The following ALG11 variants were observed in gnomAD, a reference collection of about 807,000 sequenced individuals.
ALG11 encodes the protein GDP-Man:Man(3)GlcNAc(2)-PP-Dol alpha-1,2-mannosyltransferase.
A neutral mutation model predicts 38.8 loss-of-function variants in ALG11; 26 were observed. That is an observed-to-expected ratio of 0.67 (90% CI 0.49 to 0.93). ALG11 has a LOEUF of 0.93. ALG11 is among the 40% of genes least tolerant of loss of function. The probability of loss-of-function intolerance (pLI) is 0.00; values close to 1 mark genes in which losing one functional copy is unlikely to be tolerated. For synonymous variants in ALG11, 199 were observed against 211.6 expected, an observed-to-expected ratio of 0.94 and a Z score of 0.52; for missense variants, 535 against 578.8, an observed-to-expected ratio of 0.92 and a Z score of 0.78.
rs148265741 is a variant in ALG11, at chr13:52,013,306, A to G, written c.44+844A>G. On this transcript the variant is annotated intron_variant, in intron 1 of 3. Coordinates refer to ENST00000521508, the MANE Select transcript of ALG11 (RefSeq NM_001004127.3). ...ACACCATAGCTTCCTGAATAGCAGT[A>G]TATACCTAATTCTTTCAAAAGTTCA... Among the ~76,000 whole-genome samples the G allele has an allele frequency of 5.7e-3, 866 of 152,366 alleles. 4 individuals are homozygous for G. The highest frequency in any genetic ancestry group is 0.02 in the African/African-American group (836 of 41,586).
intron 2 of ALG11, chr13:52,023,376 A>T (rs1436797553): frequency 6.6e-6 from 1 of 152,176 alleles, no homozygotes; most frequent in East Asian, 1.9e-4. Flanking sequence ...TTCTAATTCA[A>T]TAAAAAATGT....
intron 3 of ALG11, among the ~76,000 whole-genome samples, chr13:52,025,270 G>A (rs41292792): frequency 0.1 from 15,698 of 152,176 alleles, 814 homozygotes; most frequent in Middle Eastern, 0.13. Flanking sequence ...GAAATTGCTC[G>A]AGTTCAGTTA....
At chr13:52,021,519 G>A (rs1349492957) in intron 2 of ALG11, 2 of 152,408 alleles carry the variant, frequency 1.3e-5, no homozygotes, top group Non-Finnish European at 2.9e-5. Flanking sequence ...GGAGGGCAAA[G>A]GAGAGCATGG....
At chr13:52,018,860 AT>A in intron 1 of ALG11, 52 bp from the exon 2 acceptor site, 2 of 1,468,606 alleles carry the variant, frequency 1.4e-6, no homozygotes, top group Non-Finnish European at 1.9e-6. Flanking sequence ...TTAATTTGTA[AT>A]TTTTTTAATG....
intron 3 of ALG11, among the ~76,000 whole-genome samples, 193 bp downstream of exon 3, chr13:52,025,130 T>A (rs912290281): frequency 6.6e-6 from 1 of 152,220 alleles, no homozygotes; most frequent in Non-Finnish European, 1.5e-5. Context: ...ATTGACCAAT[T>A]CCTGTGTGTG....
chr13:52,028,855 A>G lies in ALG11; in HGVS notation c.*265A>G. Reference sequence around the variant, plus strand: ...ATCTGGCTTTGAGCCACCAGGAAGAACTAGTGGATTTGCCAAAAAACTACC... The same window carrying G: ...ATCTGGCTTTGAGCCACCAGGAAGAGCTAGTGGATTTGCCAAAAAACTACC... On this transcript the variant is annotated 3_prime_UTR_variant, in exon 4 of 4. Coordinates refer to ENST00000521508, the MANE Select transcript of ALG11 (RefSeq NM_001004127.3). 6.2e-7 allele frequency: 1 copy of G among 1,614,260 alleles called. No homozygotes were observed.
At chr13:52,026,618 G>A (rs1954242865) in intron 3 of ALG11, among the ~76,000 whole-genome samples, 1 of 152,188 alleles carries the variant, frequency 6.6e-6, no homozygotes, top group African/African-American at 2.4e-5. Flanking sequence ...TTAAATGAGG[G>A]AGGAAGAGAA....
chr13:52,020,839 T>A (rs1235862169), intron 2 of ALG11: 1 of 152,250 alleles, frequency 6.6e-6, no homozygotes, highest in Non-Finnish European at 1.5e-5. Flanking sequence ...GTCCTTCCCT[T>A]TCTATATAGT....
chr13:52,019,960 A>G (rs1354658876), intron 2 of ALG11, among the ~76,000 whole-genome samples: 1 of 152,200 alleles, frequency 6.6e-6, no homozygotes, highest in African/African-American at 2.4e-5. Context: ...AGAAATGGAC[A>G]GTGGATGGGG....
intron 1 of ALG11, among the ~76,000 whole-genome samples, chr13:52,012,793 C>T (rs1214573214): frequency 2.0e-5 from 3 of 151,828 alleles, no homozygotes; most frequent in African/African-American, 4.8e-5. Flanking sequence ...TTTTTCTTTA[C>T]GATTGAGCCA....
chr13:52,033,454 A>AT lies in ALG11; in HGVS notation c.*4869dup, dbSNP rs1421324665. Reference sequence around the variant, plus strand: ...TGTCTAAATATTATTTAAAGAAGTGATTTTTCATTCTCTTGGATTCTTTCC... The same window carrying AT: ...TGTCTAAATATTATTTAAAGAAGTGATTTTTTCATTCTCTTGGATTCTTTCC... On this transcript the variant is annotated 3_prime_UTR_variant, in exon 4 of 4. Coordinates refer to ENST00000521508, the MANE Select transcript of ALG11 (RefSeq NM_001004127.3). 6.0e-6 allele frequency: 1 copy of AT among 167,062 alleles called. No individual in the cohort carries two copies. The highest frequency in any genetic ancestry group is 1.5e-5 in the Non-Finnish European group (1 of 68,110). 10.3% of individuals were successfully genotyped at this position (167,062 alleles called of 1,614,324 possible).
At chr13:52,018,823 T>C (rs896875011) in intron 1 of ALG11, 90 bp from the exon 2 acceptor site, 5 of 1,045,502 alleles carry the variant, frequency 4.8e-6, no homozygotes, top group African/African-American at 3.2e-5. Flanking sequence ...GTTACTAATA[T>C]ATAAAGTAGA....
Position 52,024,405 on chromosome 13 carries a change from G to C in ALG11, c.675G>C (p.Arg225Ser). Reference sequence around the variant, plus strand: ...TTAATAATGCAGCCTTCATTACCAGGAATCCTTTTCTCAGCAAAGTAAAGC... The same window carrying C: ...TTAATAATGCAGCCTTCATTACCAGCAATCCTTTTCTCAGCAAAGTAAAGC... Reference protein sequence around the residue: ...IGFNNAAFITRNPFLSKVKLI... With the variant: ...IGFNNAAFITSNPFLSKVKLI... Residue 225 changes from arginine (R) to serine (S), a missense_variant, in exon 3 of 4, where the codon AGG becomes AGC. Transcript: ENST00000521508. 1 of 1,613,484 alleles carries C rather than the reference G, an allele frequency of 6.2e-7. No individual in the cohort carries two copies. The highest frequency in any genetic ancestry group is 8.5e-7 in the Non-Finnish European group (1 of 1,179,566).
In ALG11 at chr13:52,030,441, C is replaced by T. The variant is rs1366423199; in HGVS notation, c.*1851C>T. On this transcript the variant is annotated 3_prime_UTR_variant, in exon 4 of 4. Coordinates refer to ENST00000521508, the MANE Select transcript of ALG11 (RefSeq NM_001004127.3). ...AGGACCCCAAATAATCGGCCTGATG[C>T]CCCTAAGGAGAAGAAAGAGAAGGAG... 1.2e-6 allele frequency: 2 copies of T among 1,614,158 alleles called. No individual in the cohort carries two copies. The highest frequency in any genetic ancestry group is 2.7e-5 in the African/African-American group (2 of 75,026).
Position 52,029,380 on chromosome 13 carries a change from T to C in ALG11, c.*790T>C. 1 of 1,613,962 alleles carries C rather than the reference T, an allele frequency of 6.2e-7. No individual in the cohort carries two copies. Among genetic ancestry groups the C allele is most frequent in the Non-Finnish European group, 8.5e-7 (1 of 1,180,004 alleles). ...AGCAGGAAATTTTTAACCTCCTCCA[T>C]AAGAACAAGCAGCCAGTGACAGATC... is the stretch of plus-strand genomic sequence containing the variant. On this transcript the variant is annotated 3_prime_UTR_variant, in exon 4 of 4. Transcript: ENST00000521508.
intron 1 of ALG11, 100 bp from the exon 2 acceptor site, chr13:52,018,809 CTTTG>C: frequency 1.1e-6 from 1 of 946,592 alleles, no homozygotes; most frequent in South Asian, 1.5e-5. Context: ...ACAATTCTCT[CTTTG>C]TTACTAATAT....
In ALG11 at chr13:52,029,804, C is replaced by A. The variant is rs1349288845; in HGVS notation, c.*1214C>A. 1.2e-6 allele frequency: 2 copies of A among 1,614,176 alleles called. No individual in the cohort carries two copies. The highest frequency in any genetic ancestry group is 1.7e-5 in the Admixed American group (1 of 60,032). ...GTTGGCCAAGAACAAAGAACTGACA[C>A]AGAAACTCCAGGTAGCCTCTGAGAG... On this transcript the variant is annotated 3_prime_UTR_variant, in exon 4 of 4. Coordinates refer to ENST00000521508, the MANE Select transcript of ALG11 (RefSeq NM_001004127.3).
chr13:52,012,516 T>C, intron 1 of ALG11, 54 bp downstream of exon 1: 1 of 1,613,258 alleles, frequency 6.2e-7, no homozygotes, highest in South Asian at 1.1e-5. Flanking sequence ...TAGGGGTACT[T>C]GCCCGTCCAG....
At position 52,019,127 on chromosome 13, in the gene ALG11, A is replaced by C; in HGVS notation, c.259A>C (p.Arg87=). 1 of 1,613,852 alleles carries C rather than the reference A, an allele frequency of 6.2e-7. No homozygotes were observed. Among genetic ancestry groups the C allele is most frequent in the Non-Finnish European group, 8.5e-7 (1 of 1,179,802 alleles). The change falls in exon 2 of 4, where the codon AGA becomes CGA. Residue 87 remains arginine (R), a synonymous_variant. Transcript: ENST00000521508. ...GGERVLWCAL[R]ALQKKYPEAV... ...AGAAAGAGTTTTATGGTGTGCTTTAAGAGCCCTGCAGAAAAAGTAGGTATC... is the reference window on the plus strand; with the variant it reads ...AGAAAGAGTTTTATGGTGTGCTTTACGAGCCCTGCAGAAAAAGTAGGTATC...
Sources: gnomAD v4.1 joint callset for allele counts (sites outside exome capture counted in the v4.1 genomes callset) on GRCh38, gnomAD v4.1.1 for gene constraint, MANE v1.5 for transcripts, NCBI Gene and HGNC (gene_info 2026-07-23, HGNC 2026-07-21) for gene names.